CALN1: variants seen among roughly 807,000 people sequenced by gnomAD.
CALN1 encodes calcium-binding protein 8.
CALN1 carries 17 observed loss-of-function variants against 30.6 expected under a neutral mutation model. The observed-to-expected ratio is 0.56, with a 90% confidence interval of 0.38 to 0.83. The LOEUF is 0.83. Among genes scored for constraint, CALN1 ranks in the 40% least tolerant of loss-of-function variants. CALN1 has a pLI of 0.00. For synonymous variants in CALN1, 156 were observed against 131.4 expected (o/e 1.19, Z -1.28); for missense variants, 291 against 354.9 (o/e 0.82, Z 1.45).
In CALN1 at chr7:72,363,844, C is replaced by G. The variant is rs556784543; in HGVS notation, c.119+39407G>C. Among the ~76,000 whole-genome samples the G allele has an allele frequency of 2.0e-5, 3 of 148,560 alleles. No homozygotes were observed. The South Asian group carries it at 6.4e-4, about 32-fold the overall frequency. ...CTGGGTTCAAGTGATTTGCAATTCT[C>G]TTGCCTCAGCCTCCCAAGTAGCTGC... On this transcript the variant is annotated intron_variant, in intron 2 of 6. Transcript: ENST00000395275.
At chr7:72,249,472 C>T (rs991741338) in intron 3 of CALN1, among the ~76,000 whole-genome samples, 2 of 151,744 alleles carry the variant, frequency 1.3e-5, no homozygotes, top group Non-Finnish European at 2.9e-5. Flanking sequence ...AGAAGGCACA[C>T]TTTTCCCCCA....
At chr7:71,816,625 G>A (rs779830897) in intron 5 of CALN1, among the ~76,000 whole-genome samples, 4 of 152,148 alleles carry the variant, frequency 2.6e-5, no homozygotes, top group East Asian at 1.9e-4. Flanking sequence ...CAGGAGCAAC[G>A]AGAAGAGAAG....
intron 3 of CALN1, among the ~76,000 whole-genome samples, chr7:72,228,226 A>C (rs1194209592): frequency 6.6e-6 from 1 of 151,878 alleles, no homozygotes; most frequent in Non-Finnish European, 1.5e-5. Context: ...GAGAGAATGT[A>C]GTGTTTCCAG....
chr7:71,986,341 C>T (rs542186542), intron 5 of CALN1, among the ~76,000 whole-genome samples: 5 of 152,322 alleles, frequency 3.3e-5, no homozygotes, highest in African/African-American at 1.2e-4. Flanking sequence ...CTGAGGATTA[C>T]AGGTGTGAGC....
chr7:71,784,782 T>G lies in CALN1; in HGVS notation c.*2993A>C, dbSNP rs987938244. ...TGAGGGGTGAGCTATTCCCTCTCAA[T>G]TCCTGCGGAAGTCACTTCCAGCTGG... is the stretch of plus-strand genomic sequence containing the variant. On this transcript the variant is annotated 3_prime_UTR_variant, in exon 7 of 7. Coordinates refer to ENST00000395275, the MANE Select transcript of CALN1 (RefSeq NM_031468.4). 2 of 398,500 alleles carry G rather than the reference T, an allele frequency of 5.0e-6. No homozygotes were observed. Among genetic ancestry groups the G allele is most frequent in the Non-Finnish European group, 8.8e-6 (2 of 226,084 alleles). The allele number at this position is 398,500 out of a possible 1,614,324, so 24.7% of individuals were successfully genotyped here.
Position 72,429,419 on chromosome 7 carries a change from C to T in CALN1, c.-225-17144G>A, listed in dbSNP as rs191538808. On this transcript the variant is annotated intron_variant, in intron 1 of 6. Coordinates refer to the CALN1 transcript ENST00000395276. ...ATGTGGCGTAATGTGGGATTTTCCC[C>T]TCATTTTCTGCCTTTAGGACTTGAG... Among the ~76,000 whole-genome samples the T allele has an allele frequency of 2.1e-3, 320 of 152,218 alleles. 2 individuals are homozygous for T. The highest frequency in any genetic ancestry group is 7.2e-3 in the African/African-American group (299 of 41,528).
chr7:71,945,827 A>C (rs1395861904), intron 5 of CALN1, among the ~76,000 whole-genome samples: 1 of 152,248 alleles, frequency 6.6e-6, no homozygotes, highest in Non-Finnish European at 1.5e-5. Context: ...AATAAAGTAC[A>C]TAATAAATGT....
intron 2 of CALN1, among the ~76,000 whole-genome samples, chr7:72,393,857 C>T (rs540965056): frequency 6.6e-6 from 1 of 152,096 alleles, no homozygotes; most frequent in Non-Finnish European, 1.5e-5. Flanking sequence ...CCAAGCAATC[C>T]CTCTGCCTCA....
chr7:72,330,466 C>CAAAAA (rs34819395), intron 2 of CALN1, among the ~76,000 whole-genome samples: 1 of 113,054 alleles, frequency 8.8e-6, no homozygotes, highest in Non-Finnish European at 1.8e-5. Flanking sequence ...AGACTGTCTC[C>CAAAAA]AAAAAAAAAA....
At chr7:72,195,871 T>C (rs1219931227) in intron 3 of CALN1, among the ~76,000 whole-genome samples, 1 of 152,202 alleles carries the variant, frequency 6.6e-6, no homozygotes, top group Non-Finnish European at 1.5e-5. Context: ...AAAATATTGG[T>C]ATATCTATCC....
At chr7:72,399,373 C>A (rs983165056) in intron 2 of CALN1, among the ~76,000 whole-genome samples, 1 of 146,502 alleles carries the variant, frequency 6.8e-6, no homozygotes, top group African/African-American at 2.5e-5. Context: ...CAGGTTCAAG[C>A]GATTCTCCTG....
intron 1 of CALN1, among the ~76,000 whole-genome samples, chr7:72,421,420 A>G (rs1474054013): frequency 1.3e-5 from 2 of 151,958 alleles, no homozygotes; most frequent in Non-Finnish European, 2.9e-5. Context: ...ACCTTTTCCG[A>G]ATTGTTTTTC....
intron 5 of CALN1, among the ~76,000 whole-genome samples, chr7:71,838,849 A>G (rs1180718299): frequency 6.6e-6 from 1 of 152,090 alleles, no homozygotes; most frequent in African/African-American, 2.4e-5. Flanking sequence ...CCATGATTGT[A>G]AGTTTCCTGA....
chr7:71,871,088 G>C (rs1478539004), intron 5 of CALN1, among the ~76,000 whole-genome samples: 1 of 152,146 alleles, frequency 6.6e-6, no homozygotes, highest in East Asian at 1.9e-4. Context: ...ATTGCAGGGA[G>C]GCAGAGAGAT....
At chr7:71,922,765 ATATAT>A (rs1264745226) in intron 5 of CALN1, among the ~76,000 whole-genome samples, 3 of 139,978 alleles carry the variant, frequency 2.1e-5, no homozygotes, top group African/African-American at 7.8e-5. Flanking sequence ...AACATACCGA[ATATAT>A]TATATATAAA....
At position 71,785,307 on chromosome 7, in the gene CALN1, G is replaced by A. The variant is rs912941708; in HGVS notation, c.*2468C>T. ...GGAAAGGAATCCTGCAGCCTTTCCAGAAAACAGGATGGCGGCGCCTCTCCA... is the reference window on the plus strand; with the variant it reads ...GGAAAGGAATCCTGCAGCCTTTCCAAAAAACAGGATGGCGGCGCCTCTCCA... On this transcript the variant is annotated 3_prime_UTR_variant, in exon 7 of 7. Transcript: ENST00000395275. The A allele has an allele frequency of 1.9e-5, 3 of 156,000 alleles. No homozygotes were observed. The highest frequency in any genetic ancestry group is 7.2e-5 in the African/African-American group (3 of 41,618). The allele number at this position is 156,000 out of a possible 1,614,324, so 9.7% of individuals were successfully genotyped here. A position where few individuals can be genotyped will look rare whatever the true frequency, so the allele number is the denominator to read the frequency against.
At chr7:72,407,257 T>C (rs766236744) in intron 1 of CALN1, among the ~76,000 whole-genome samples, 1 of 152,198 alleles carries the variant, frequency 6.6e-6, no homozygotes, top group Non-Finnish European at 1.5e-5. Context: ...ATCTGCAAAA[T>C]GAACCTGATA....
chr7:72,105,694 T>C (rs1331148545), intron 4 of CALN1, among the ~76,000 whole-genome samples: 1 of 148,912 alleles, frequency 6.7e-6, no homozygotes, highest in East Asian at 2.0e-4. Flanking sequence ...TTTTAGAGTA[T>C]GTGAATTCTA....
chr7:71,813,480 A>C (rs941262544), intron 5 of CALN1, among the ~76,000 whole-genome samples: 2 of 152,224 alleles, frequency 1.3e-5, no homozygotes, highest in Non-Finnish European at 1.5e-5. Flanking sequence ...CCTGTTATTA[A>C]GTTTAGAGAG....
Sources: allele counts gnomAD v4.1 joint callset (sites outside exome capture counted in the v4.1 genomes callset), GRCh38; gene constraint gnomAD v4.1.1; transcripts MANE v1.5; gene names NCBI Gene and HGNC (gene_info 2026-07-23, HGNC 2026-07-21).